The following ELMO1 variants were observed in gnomAD, a reference collection of about 807,000 sequenced individuals.
ELMO1 encodes the protein engulfment and cell motility 1.
ELMO1 carries 26 observed loss-of-function variants against 98.9 expected under a neutral mutation model. The observed-to-expected ratio is 0.26, with a 90% CI of 0.19 to 0.36. ELMO1 has a LOEUF of 0.36. Ranked by LOEUF, ELMO1 falls within the 10% of genes least tolerant of loss-of-function variation. The pLI, the probability that ELMO1 is intolerant of heterozygous loss-of-function variation, is 1.00. For missense variants in ELMO1, 627 were observed against 935.2 expected (o/e 0.67, Z 4.30); for synonymous variants, 346 against 346.0 (o/e 1.00, Z 0.00).
chr7:36,897,643 G>A (rs1456367367), intron 16 of ELMO1, among the ~76,000 whole-genome samples: 1 of 152,150 alleles, frequency 6.6e-6, no homozygotes, highest in Non-Finnish European at 1.5e-5. Context: ...TGCATTTACA[G>A]GCTCATGGGT....
chr7:37,252,847 T>C (rs1795429482), intron 6 of ELMO1, among the ~76,000 whole-genome samples: 2 of 152,116 alleles, frequency 1.3e-5, no homozygotes, highest in African/African-American at 2.4e-5. Flanking sequence ...AAAGGGTTAA[T>C]ATCCAAAATC....
chr7:37,156,205 G>A (rs1448112566), intron 13 of ELMO1, among the ~76,000 whole-genome samples: 1 of 152,142 alleles, frequency 6.6e-6, no homozygotes, highest in Non-Finnish European at 1.5e-5. Context: ...AGCACTAAAT[G>A]CCCACAAGAG....
intron 15 of ELMO1, among the ~76,000 whole-genome samples, chr7:37,018,804 C>T (rs1183408602): frequency 6.6e-6 from 1 of 152,200 alleles, no homozygotes; most frequent in Non-Finnish European, 1.5e-5. Flanking sequence ...AAGTACATGG[C>T]ATAGGCTTAG....
At chr7:36,921,113 C>G (rs1194780626) in intron 16 of ELMO1, among the ~76,000 whole-genome samples, 1 of 151,370 alleles carries the variant, frequency 6.6e-6, no homozygotes, top group African/African-American at 2.5e-5. Context: ...GAGCCTTTGC[C>G]AGGCACCACA....
At chr7:37,285,331 A>G (rs191655936) in intron 4 of ELMO1, among the ~76,000 whole-genome samples, 49 of 152,326 alleles carry the variant, frequency 3.2e-4, no homozygotes, top group East Asian at 1.5e-3. Context: ...CTAGTTGTCA[A>G]TCATTTACAT....
At chr7:37,194,115 GCTCTA>G (rs1273320093) in intron 13 of ELMO1, among the ~76,000 whole-genome samples, 2 of 152,136 alleles carry the variant, frequency 1.3e-5, no homozygotes, top group African/African-American at 4.8e-5. Context: ...TTTATTCTCT[GCTCTA>G]TAGTTTCCCA....
intron 15 of ELMO1, among the ~76,000 whole-genome samples, chr7:37,051,923 A>G (rs1261446772): frequency 6.6e-6 from 1 of 152,130 alleles, no homozygotes; most frequent in African/African-American, 2.4e-5. Context: ...TTTTTTTGTC[A>G]TATTTGTTCA....
intron 1 of ELMO1, among the ~76,000 whole-genome samples, chr7:37,416,214 T>G (rs909129612): frequency 6.6e-6 from 1 of 152,228 alleles, no homozygotes; most frequent in Non-Finnish European, 1.5e-5. Context: ...ACTGCCCACT[T>G]TTGTCAACTG....
chr7:37,161,295 T>C (rs752717658), intron 13 of ELMO1, among the ~76,000 whole-genome samples: 2 of 152,200 alleles, frequency 1.3e-5, no homozygotes, highest in Non-Finnish European at 2.9e-5. Flanking sequence ...TCTGGCTTTC[T>C]CACTGGCTCC....
At chr7:36,859,992 G>A (rs1802491244) in intron 21 of ELMO1, among the ~76,000 whole-genome samples, 1 of 152,058 alleles carries the variant, frequency 6.6e-6, no homozygotes, top group Admixed American at 6.5e-5. Context: ...AAGACAATGA[G>A]GATGAAGACT....
At chr7:37,320,157 G>A (rs886955942) in intron 2 of ELMO1, among the ~76,000 whole-genome samples, 5 of 152,072 alleles carry the variant, frequency 3.3e-5, no homozygotes, top group African/African-American at 1.2e-4. Context: ...CATGCCTGTA[G>A]TTCCAGCTAC....
intron 5 of ELMO1, among the ~76,000 whole-genome samples, chr7:37,263,742 A>G (rs1796099274): frequency 6.6e-6 from 1 of 152,092 alleles, no homozygotes; most frequent in African/African-American, 2.4e-5. Context: ...GCCTGTCTGG[A>G]GGGAGAGAAA....
Position 37,224,949 on chromosome 7 carries a change from T to G in ELMO1, c.631A>C (p.Asn211His). 6.2e-7 allele frequency: 1 copy of G among 1,614,148 alleles called. No individual in the cohort carries two copies. The highest frequency in any genetic ancestry group is 1.1e-5 in the South Asian group (1 of 91,080). Residue 211 changes from asparagine to histidine, a missense_variant, in exon 9 of 22, where the codon AAT (asparagine) becomes CAT (histidine). By Grantham distance (68) the Asn-to-His change is moderately conservative. Coordinates refer to ENST00000310758, the MANE Select transcript of ELMO1 (RefSeq NM_014800.11). ...SLAILESMVL[N>H]SHDLYQKVAQ... is the part of the protein sequence containing the mutation. ...ACTTTCTGGTAGAGGTCATGGCTAT[T>G]GAGCACCATCGACTCCAAAATGGCC... is the stretch of plus-strand genomic sequence containing the variant.
intron 13 of ELMO1, among the ~76,000 whole-genome samples, chr7:37,162,172 G>A (rs1251919087): frequency 6.6e-6 from 1 of 151,604 alleles, no homozygotes; most frequent in Middle Eastern, 3.4e-3. Context: ...TGCGTTTCTG[G>A]AGCCTCTGCA....
chr7:37,044,743 A>C (rs1795706180), intron 15 of ELMO1, among the ~76,000 whole-genome samples: 1 of 152,160 alleles, frequency 6.6e-6, no homozygotes, highest in Admixed American at 6.5e-5. Flanking sequence ...CATGGTTCCA[A>C]CTATCTGCAT....
intron 5 of ELMO1, chr7:37,270,221 A>G (rs1796483676): frequency 6.6e-6 from 1 of 152,194 alleles, no homozygotes; most frequent in Non-Finnish European, 1.5e-5. Flanking sequence ...GCCTCAGCTC[A>G]TCATGTAGCC....
chr7:37,292,968 C>T lies in ELMO1; in HGVS notation c.193-21086G>A, dbSNP rs1294962192. On this transcript the variant is annotated intron_variant, in intron 4 of 21. Coordinates refer to ENST00000310758, the MANE Select transcript of ELMO1 (RefSeq NM_014800.11). ...GCCGCCCCGTCCGGGAAGTGAGGGG[C>T]GCCTCTGCCCGGCCGCCCCTACTGG... 3.3e-4 allele frequency among the ~76,000 whole-genome samples: 15 copies of T among 45,738 alleles called. 1 individual carries two copies. The highest frequency in any genetic ancestry group is 4.5e-4 in the Non-Finnish European group (9 of 20,042). 30.0% of individuals were successfully genotyped at this position (45,738 alleles called of 152,430 possible).
At chr7:36,874,834 G>A (rs1364383133) in intron 19 of ELMO1, among the ~76,000 whole-genome samples, 1 of 152,128 alleles carries the variant, frequency 6.6e-6, no homozygotes, top group Non-Finnish European at 1.5e-5. Flanking sequence ...GGGGAGAGGG[G>A]GGATGTAAGA....
chr7:37,325,445 G>C (rs1303117572), intron 2 of ELMO1, among the ~76,000 whole-genome samples: 1 of 152,140 alleles, frequency 6.6e-6, no homozygotes, highest in Non-Finnish European at 1.5e-5. Context: ...GGAGGCTCAG[G>C]GGAGCAGCTA....
Sources: allele counts gnomAD v4.1 joint callset (sites outside exome capture counted in the v4.1 genomes callset), GRCh38; gene constraint gnomAD v4.1.1; transcripts MANE v1.5; gene names NCBI Gene and HGNC (gene_info 2026-07-23, HGNC 2026-07-21).